Variants in FCHSD2 observed in about 807,000 individuals in gnomAD.
FCHSD2 encodes the protein FCH and double SH3 domains 2.
Under a neutral mutation model 108.1 loss-of-function variants are expected in FCHSD2, and 38 were observed. The ratio of observed to expected loss-of-function variants is 0.35; its 90% CI spans 0.27 to 0.46. The LOEUF (loss-of-function observed/expected upper bound fraction) is 0.46, where lower values mean the gene tolerates loss of function less well. FCHSD2 is among the 20% of genes least tolerant of loss of function. The pLI is 1.00. For synonymous variants in FCHSD2, 279 were observed against 314.7 expected, an observed-to-expected ratio of 0.89 and a Z score of 1.20; for missense variants, 751 against 897.8, an observed-to-expected ratio of 0.84 and a Z score of 2.09.
chr11:73,100,538 T>C (rs1430077616), intron 2 of FCHSD2, among the ~76,000 whole-genome samples: 1 of 152,060 alleles, frequency 6.6e-6, no homozygotes, highest in Non-Finnish European at 1.5e-5. Flanking sequence ...TAATTTTGTG[T>C]TTTTAGTAGA....
At chr11:73,066,560 C>T (rs1859297920) in intron 3 of FCHSD2, among the ~76,000 whole-genome samples, 1 of 151,928 alleles carries the variant, frequency 6.6e-6, no homozygotes, top group Non-Finnish European at 1.5e-5. Context: ...AACAGGCAAC[C>T]TACAGAATGG....
At chr11:72,851,904 T>A (rs1357606826) in intron 13 of FCHSD2, among the ~76,000 whole-genome samples, 2 of 143,956 alleles carry the variant, frequency 1.4e-5, no homozygotes, top group Non-Finnish European at 1.5e-5. Context: ...TGAGATAGGG[T>A]CTTGCTCTGT....
intron 8 of FCHSD2, among the ~76,000 whole-genome samples, chr11:72,942,374 C>A (rs1856436409): frequency 6.6e-6 from 1 of 152,192 alleles, no homozygotes; most frequent in South Asian, 2.1e-4. Flanking sequence ...AAATAAACCT[C>A]TTTTCTTTAT....
intron 3 of FCHSD2, among the ~76,000 whole-genome samples, chr11:73,078,468 T>C (rs1859606514): frequency 6.6e-6 from 1 of 152,186 alleles, no homozygotes; most frequent in African/African-American, 2.4e-5. Context: ...AATTGTGATA[T>C]ATTCATTCAG....
In FCHSD2 at chr11:73,114,929, G is replaced by C. The variant is rs531920668; in HGVS notation, c.119+25102C>G. Among the ~76,000 whole-genome samples, 27 of 152,160 alleles carry C rather than the reference G, an allele frequency of 1.8e-4. 1 individual carries two copies. The highest frequency in any genetic ancestry group is 6.3e-4 in the African/African-American group (26 of 41,422). The stretch of plus-strand genomic sequence containing the variant: ...AGTACTCCCTCGGACGCCATGGCTG[G>C]TGTCTCACTAGGTCATGTGCCCCAC... On this transcript the variant is annotated intron_variant, in intron 2 of 19. Coordinates refer to ENST00000409418, the MANE Select transcript of FCHSD2 (RefSeq NM_014824.3).
At chr11:72,962,585 A>G (rs926692077) in intron 8 of FCHSD2, among the ~76,000 whole-genome samples, 12 of 101,242 alleles carry the variant, frequency 1.2e-4, no homozygotes, top group Non-Finnish European at 2.4e-4. Context: ...AACTAAGGAT[A>G]TGAACTAAAT....
At chr11:72,956,211 T>C (rs977016376) in intron 8 of FCHSD2, among the ~76,000 whole-genome samples, 2 of 152,062 alleles carry the variant, frequency 1.3e-5, no homozygotes, top group Non-Finnish European at 2.9e-5. Flanking sequence ...ATGATATAAA[T>C]AAATAAACAA....
In FCHSD2 at chr11:72,959,853, G is replaced by GGGGTGTGTGT. The variant is rs375788859; in HGVS notation, c.705+24234_705+24235insACACACACCC. On this transcript the variant is annotated intron_variant, in intron 8 of 19. Transcript: ENST00000409418. ...AATTTCCCTGATTTTAAGTTTCTAGGGTGTGTGTGTGTGTGTGTGTGTGTG... is the reference window on the plus strand; with the variant it reads ...AATTTCCCTGATTTTAAGTTTCTAGGGGGTGTGTGTGTGTGTGTGTGTGTGTGTGTGTGTG... Among the ~76,000 whole-genome samples, 15 of 145,896 alleles carry GGGGTGTGTGT rather than the reference G, an allele frequency of 1.0e-4. No homozygotes were observed. In the East Asian group the frequency reaches 2.9e-3, roughly 28 times the overall value.
rs186336835 is a variant in FCHSD2, at chr11:73,121,004, G to C, written c.119+19027C>G. 9.2e-5 allele frequency among the ~76,000 whole-genome samples: 14 copies of C among 152,152 alleles called. No individual in the cohort carries two copies. In the East Asian group the frequency reaches 2.7e-3, roughly 29 times the overall value. ...TGTTCAACGTTTGTTTAGACAAGAG[G>C]CAGAGAGCTACTAGTTGCAGAGCTT... On this transcript the variant is annotated intron_variant, in intron 2 of 19. Transcript: ENST00000409418.
chr11:73,047,910 C>A (rs1329505696), intron 3 of FCHSD2, among the ~76,000 whole-genome samples: 1 of 152,000 alleles, frequency 6.6e-6, no homozygotes, highest in Non-Finnish European at 1.5e-5. Flanking sequence ...ATTTATTAAT[C>A]CCAATATGCA....
chr11:72,966,347 A>C (rs1009234094), intron 8 of FCHSD2, among the ~76,000 whole-genome samples: 1 of 152,072 alleles, frequency 6.6e-6, no homozygotes, highest in African/African-American at 2.4e-5. Context: ...TTTAGTAGAG[A>C]CAGGGTTTCG....
intron 3 of FCHSD2, among the ~76,000 whole-genome samples, chr11:73,082,335 CAA>C (rs750423401): frequency 5.7e-3 from 196 of 34,434 alleles, no homozygotes; most frequent in East Asian, 0.046. Flanking sequence ...AGACTTGTCC[CAA>C]AAAAAAAAAA....
At chr11:72,879,948 G>A (rs148634930) in intron 12 of FCHSD2, among the ~76,000 whole-genome samples, 17 of 145,828 alleles carry the variant, frequency 1.2e-4, no homozygotes, top group Admixed American at 5.6e-4. Flanking sequence ...GACGTGAGCC[G>A]AGATCGCGCC....
intron 8 of FCHSD2, among the ~76,000 whole-genome samples, chr11:72,965,759 A>G (rs1856895753): frequency 6.6e-6 from 1 of 152,330 alleles, no homozygotes; most frequent in South Asian, 2.1e-4. Context: ...CTATTAGCAC[A>G]GATTAGTTTT....
At chr11:72,850,662 A>AT (rs1238702145) in intron 13 of FCHSD2, among the ~76,000 whole-genome samples, 2 of 151,914 alleles carry the variant, frequency 1.3e-5, no homozygotes, top group Non-Finnish European at 2.9e-5. Flanking sequence ...CAGGACAGAG[A>AT]TTTTTTTTAA....
At chr11:72,910,955 T>C (rs1238353726) in intron 9 of FCHSD2, among the ~76,000 whole-genome samples, 2 of 152,152 alleles carry the variant, frequency 1.3e-5, no homozygotes, top group Non-Finnish European at 2.9e-5. Flanking sequence ...GTTGCTTCAC[T>C]TTGTTGATTA....
chr11:73,037,560 T>G (rs1411429349), intron 3 of FCHSD2, among the ~76,000 whole-genome samples: 1 of 152,222 alleles, frequency 6.6e-6, no homozygotes, highest in South Asian at 2.1e-4. Flanking sequence ...GAATGCATTC[T>G]TTCTCCATAT....
intron 13 of FCHSD2, among the ~76,000 whole-genome samples, chr11:72,853,139 A>C (rs753443649): frequency 6.6e-6 from 1 of 152,200 alleles, no homozygotes; most frequent in Non-Finnish European, 1.5e-5. Flanking sequence ...CTTGCACTTA[A>C]AAGTTTTTTT....
At position 73,025,923 on chromosome 11, in the gene FCHSD2, T is replaced by C. The variant is rs1591491898; in HGVS notation, c.166-10038A>G. Among the ~76,000 whole-genome samples, 6 of 152,290 alleles carry C rather than the reference T, an allele frequency of 3.9e-5. No individual in the cohort carries two copies. In the South Asian group the frequency reaches 1.0e-3, roughly 26 times the overall value. On this transcript the variant is annotated intron_variant, in intron 3 of 19. Transcript: ENST00000409418. ...TGTGTGGTATATATACCTACTGATA[T>C]GCTCCACGTTTTGACTAAAAAACAC...
Sources: gnomAD v4.1 joint callset for allele counts (sites outside exome capture counted in the v4.1 genomes callset) on GRCh38, gnomAD v4.1.1 for gene constraint, MANE v1.5 for transcripts, NCBI Gene and HGNC (gene_info 2026-07-23, HGNC 2026-07-21) for gene names.